PLD5: variants seen among roughly 807,000 people sequenced by gnomAD.
The protein encoded by PLD5 is phospholipase D family member 5.
In PLD5, 36 loss-of-function variants were observed where a neutral mutation model predicts 61.1. The ratio of observed to expected loss-of-function variants is 0.59; its 90% CI spans 0.45 to 0.78. PLD5 has a LOEUF of 0.78. PLD5 is among the 30% of genes least tolerant of loss of function. The pLI, the probability that PLD5 is intolerant of heterozygous loss-of-function variation, is 0.00. For synonymous variants in PLD5, 243 were observed against 242.8 expected, an observed-to-expected ratio of 1.00 and a Z score of -0.01; for missense variants, 515 against 644.4, an observed-to-expected ratio of 0.80 and a Z score of 2.17.
chr1:242,424,678 C>T (rs1039708194), intron 1 of PLD5, among the ~76,000 whole-genome samples: 5 of 152,132 alleles, frequency 3.3e-5, no homozygotes, highest in African/African-American at 1.2e-4. Context: ...TCATGGCCTT[C>T]GTTTAGAAAC....
chr1:242,150,872 C>A (rs982301702), intron 5 of PLD5, among the ~76,000 whole-genome samples: 4 of 151,534 alleles, frequency 2.6e-5, no homozygotes, highest in African/African-American at 4.8e-5. Flanking sequence ...TTTGTTGTTT[C>A]TTTTTAAGGT....
intron 4 of PLD5, among the ~76,000 whole-genome samples, chr1:242,259,275 C>T (rs1673250731): frequency 1.3e-5 from 2 of 148,174 alleles, no homozygotes; most frequent in Non-Finnish European, 3.0e-5. Flanking sequence ...TGCCAGTGTA[C>T]TACAGCCTGG....
At chr1:242,310,201 G>A (rs1253281527) in intron 2 of PLD5, among the ~76,000 whole-genome samples, 2 of 152,032 alleles carry the variant, frequency 1.3e-5, no homozygotes, top group African/African-American at 4.8e-5. Context: ...GTCTCATTCT[G>A]GTCTCATGTT....
chr1:242,497,379 A>G (rs1276662002), intron 1 of PLD5, among the ~76,000 whole-genome samples: 2 of 152,292 alleles, frequency 1.3e-5, no homozygotes, highest in South Asian at 2.1e-4. Flanking sequence ...TATTTATGTT[A>G]ATAAAGGAAA....
chr1:242,209,686 G>A (rs894582563), intron 5 of PLD5, among the ~76,000 whole-genome samples: 1 of 152,020 alleles, frequency 6.6e-6, no homozygotes, highest in African/African-American at 2.4e-5. Context: ...TCCTTGGGCC[G>A]CCTATTTCCT....
intron 5 of PLD5, among the ~76,000 whole-genome samples, chr1:242,208,640 C>A (rs995591372): frequency 1.3e-5 from 2 of 152,070 alleles, no homozygotes; most frequent in African/African-American, 4.8e-5. Context: ...TCAGTTTGTT[C>A]TCCCTGTCCA....
intron 5 of PLD5, among the ~76,000 whole-genome samples, chr1:242,129,690 G>A (rs146149378): frequency 1.3e-4 from 20 of 152,296 alleles, no homozygotes; most frequent in Non-Finnish European, 2.2e-4. Flanking sequence ...GTTTTGTCAC[G>A]TGGATATTTT....
At chr1:242,201,524 CATTT>C (rs1001065901) in intron 5 of PLD5, among the ~76,000 whole-genome samples, 2 of 151,894 alleles carry the variant, frequency 1.3e-5, no homozygotes, top group African/African-American at 4.8e-5. Context: ...ATTTGTGTAT[CATTT>C]ATTTATTTAT....
chr1:242,477,639 A>T (rs1667639958), intron 1 of PLD5, among the ~76,000 whole-genome samples: 1 of 152,164 alleles, frequency 6.6e-6, no homozygotes, highest in South Asian at 2.1e-4. Context: ...CAGGCAGCAG[A>T]GTGTTAAGGA....
At chr1:242,184,397 T>C (rs539046895) in intron 5 of PLD5, among the ~76,000 whole-genome samples, 2 of 152,184 alleles carry the variant, frequency 1.3e-5, no homozygotes, top group Non-Finnish European at 2.9e-5. Context: ...ATTATTTTTA[T>C]TTTTTGAGAT....
chr1:242,134,299 C>A (rs933479660), intron 5 of PLD5, among the ~76,000 whole-genome samples: 1 of 152,100 alleles, frequency 6.6e-6, no homozygotes, highest in Non-Finnish European at 1.5e-5. Context: ...GCTGAACATG[C>A]CTTATCTCTG....
At chr1:242,168,787 C>T (rs2636247) in intron 5 of PLD5, among the ~76,000 whole-genome samples, 1 of 147,158 alleles carries the variant, frequency 6.8e-6, no homozygotes, top group African/African-American at 2.5e-5. Flanking sequence ...TAAAGGTATT[C>T]TGTATGTCAC....
intron 5 of PLD5, among the ~76,000 whole-genome samples, chr1:242,143,359 G>A (rs971443280): frequency 1.3e-5 from 2 of 152,090 alleles, no homozygotes; most frequent in South Asian, 4.1e-4. Context: ...TGCTAGAGCT[G>A]TGTGTTTCTA....
At chr1:242,325,842 A>T (rs1436156834) in intron 2 of PLD5, among the ~76,000 whole-genome samples, 1 of 152,172 alleles carries the variant, frequency 6.6e-6, no homozygotes, top group East Asian at 1.9e-4. Context: ...AAAGCCAGTT[A>T]TAAGTCAGAA....
At chr1:242,386,903 A>C (rs982741496) in intron 1 of PLD5, among the ~76,000 whole-genome samples, 1 of 152,182 alleles carries the variant, frequency 6.6e-6, no homozygotes, top group Non-Finnish European at 1.5e-5. Context: ...TGTCTGCAAA[A>C]TATTTTCAAA....
chr1:242,123,010 G>T (rs1662505386), intron 6 of PLD5, among the ~76,000 whole-genome samples: 1 of 152,194 alleles, frequency 6.6e-6, no homozygotes. Context: ...AATTTCAGAA[G>T]CTTGCTTCAA....
intron 1 of PLD5, among the ~76,000 whole-genome samples, chr1:242,456,333 A>C: frequency 6.6e-6 from 1 of 152,208 alleles, no homozygotes; most frequent in East Asian, 1.9e-4. Flanking sequence ...AATAAAATTT[A>C]AGATCCAGTT....
chr1:242,402,994 A>T (rs988102210), intron 1 of PLD5, among the ~76,000 whole-genome samples: 5 of 152,254 alleles, frequency 3.3e-5, no homozygotes, highest in African/African-American at 1.2e-4. Flanking sequence ...CAGCATTTCT[A>T]TTGCAGAACC....
At chr1:242,221,534 C>T (rs1287645316) in intron 4 of PLD5, among the ~76,000 whole-genome samples, 2 of 152,160 alleles carry the variant, frequency 1.3e-5, no homozygotes, top group Admixed American at 6.5e-5. Flanking sequence ...ATCTAGCTTC[C>T]TTGTGGCAGG....
Sources: allele counts gnomAD v4.1 joint callset (sites outside exome capture counted in the v4.1 genomes callset), GRCh38; gene constraint gnomAD v4.1.1; transcripts MANE v1.5; gene names NCBI Gene and HGNC (gene_info 2026-07-23, HGNC 2026-07-21).